The following HSD3B7 variants were observed in gnomAD, a reference collection of about 807,000 sequenced individuals.
HSD3B7 encodes the protein 3 beta-hydroxysteroid dehydrogenase type 7.
A neutral mutation model predicts 34.3 loss-of-function variants in HSD3B7; 35 were observed. That is an observed-to-expected ratio of 1.02 (90% CI 0.78 to 1.35). The LOEUF (loss-of-function observed/expected upper bound fraction) is 1.35. HSD3B7 is among the 40% of genes most tolerant of loss of function. The pLI is 0.00. For synonymous variants in HSD3B7, 217 were observed against 220.1 expected (o/e 0.99, Z 0.13); for missense variants, 426 against 504.7 (o/e 0.84, Z 1.49).
At position 30,987,917 on chromosome 16, in the gene HSD3B7, CG is replaced by C; in HGVS notation, c.846del (p.Leu283TrpfsTer37). 6.2e-7 allele frequency: 1 copy of C among 1,613,734 alleles called. No homozygotes were observed. The highest frequency in any genetic ancestry group is 8.5e-7 in the Non-Finnish European group (1 of 1,180,000). On this transcript the variant is annotated frameshift_variant, in exon 7 of 7. Transcript: ENST00000297679. LOFTEE classifies it high-confidence loss of function. The part of the protein sequence containing the change: ...NMEFLGPCGL[R>X]LVGARPLLPY... ...GGAGTTCCTGGGCCCCTGCGGACTGCGGCTGGTGGGCGCCCGCCCATTGCTG... is the reference window on the plus strand; with the variant it reads ...GGAGTTCCTGGGCCCCTGCGGACTGCGCTGGTGGGCGCCCGCCCATTGCTG...
chr16:30,987,118 T>C, intron 6 of HSD3B7, 116 bp downstream of exon 6: 2 of 1,129,262 alleles, frequency 1.8e-6, no homozygotes, highest in Non-Finnish European at 2.5e-6. Flanking sequence ...TAGAAAAATA[T>C]GGTCTATACA....
At chr16:30,985,617 A>G (rs781565012) in intron 1 of HSD3B7, 36 bp from the exon 2 acceptor site, 1 of 1,572,834 alleles carries the variant, frequency 6.4e-7, no homozygotes, top group Non-Finnish European at 8.6e-7. Flanking sequence ...AGCAGGTGGC[A>G]GCCAGCCCCT....
At chr16:30,986,271 C>T in intron 3 of HSD3B7, 67 bp downstream of exon 3, 7 of 1,580,984 alleles carry the variant, frequency 4.4e-6, no homozygotes, top group African/African-American at 1.3e-5. Context: ...TGGCCTTGAC[C>T]TCCGGTGACT....
rs767747164 is a variant in HSD3B7 at position 30,986,423 on chromosome 16, G to T, written c.323G>T (p.Gly108Val). ...TTGGATACGCCTCCTCCTCTGCCAGGTACCCGGAACGTGATCGAGGCTTGT... is the reference window on the plus strand; with the variant it reads ...TTGGATACGCCTCCTCCTCTGCCAGTTACCCGGAACGTGATCGAGGCTTGT... The part of the protein sequence containing the change: ...PKTIHEVNVQ[G>V]TRNVIEACVQ... Residue 108 changes from glycine to valine, a missense_variant and splice_region_variant, in exon 4 of 7, where the codon GGT becomes GTT. Gly to Val is a moderately radical substitution (Grantham distance 109). Transcript: ENST00000297679. 1.5e-5 allele frequency: 25 copies of T among 1,613,698 alleles called. No individual in the cohort carries two copies. The highest frequency in any genetic ancestry group is 1.6e-5 in the Non-Finnish European group (19 of 1,179,658).
In HSD3B7 at chr16:30,988,206, C is replaced by T. The variant is rs367802544; in HGVS notation, c.*23C>T. The T allele has an allele frequency of 7.0e-6, 11 of 1,571,356 alleles. No homozygotes were observed. The highest frequency in any genetic ancestry group is 2.3e-5 in the East Asian group (1 of 42,964). On this transcript the variant is annotated 3_prime_UTR_variant, in exon 7 of 7. Coordinates refer to ENST00000297679, the MANE Select transcript of HSD3B7 (RefSeq NM_025193.4). ...TGACGGTGGGGCTGGGGCCTGGAGG[C>T]CCAGATACAGCACATCCACCCAGGT...
In HSD3B7 at chr16:30,987,864, C is replaced by T. The variant is rs1352327787; in HGVS notation, c.791C>T (p.Pro264Leu). The T allele has an allele frequency of 6.2e-7, 1 of 1,613,780 alleles. No homozygotes were observed. The highest frequency in any genetic ancestry group is 1.1e-5 in the South Asian group (1 of 91,084). ...GTATACTTCTGCTACGATGGATCAC[C>T]CTACAGGAGCTACGAGGATTTCAAC... ...GQVYFCYDGS[P>L]YRSYEDFNME... The change falls in exon 7 of 7, where the codon CCC becomes CTC. Residue 264 changes from proline to leucine, a missense_variant. Pro to Leu is a moderately conservative substitution (Grantham distance 98, BLOSUM62 -3). Coordinates refer to ENST00000297679, the MANE Select transcript of HSD3B7 (RefSeq NM_025193.4).
chr16:30,985,466 CCT>C (rs890179920), intron 1 of HSD3B7, 169 bp downstream of exon 1: 3 of 1,475,968 alleles, frequency 2.0e-6, no homozygotes, highest in African/African-American at 1.4e-5. Flanking sequence ...CAAGCCCGCC[CCT>C]CTCTCCGTAA....
chr16:30,985,478 ACT>A, intron 1 of HSD3B7, 173 bp from the exon 2 acceptor site: 3 of 1,490,822 alleles, frequency 2.0e-6, no homozygotes, highest in Non-Finnish European at 2.7e-6. Flanking sequence ...TCTCTCCGTA[ACT>A]CAGCCATCAG....
In HSD3B7 at chr16:30,986,176, CA is replaced by C. The variant is rs2056472626; in HGVS notation, c.296del (p.Lys99ArgfsTer14). ...LVDVFGRASP[K>X]TIHEVNVQGT... ...TAGACGTGTTTGGCAGGGCCAGTCC[CA>C]AGACCATCCATGAGGTCAACGTGCA... On this transcript the variant is annotated frameshift_variant, in exon 3 of 7. Transcript: ENST00000297679. LOFTEE classifies it high-confidence loss of function. The C allele has an allele frequency of 1.9e-6, 3 of 1,614,040 alleles. No individual in the cohort carries two copies. The East Asian group carries it at 6.7e-5, about 36-fold the overall frequency.
In HSD3B7 at chr16:30,989,066, C is replaced by G. The variant is rs1404659205; in HGVS notation, c.*883C>G. On this transcript the variant is annotated 3_prime_UTR_variant, in exon 7 of 7. Coordinates refer to ENST00000297679, the MANE Select transcript of HSD3B7 (RefSeq NM_025193.4). ...TCCCACCTCTCTACCTAAGTTCCTTCCCAGCACATCGCCAGCCCTGGGCCT... is the reference window on the plus strand; with the variant it reads ...TCCCACCTCTCTACCTAAGTTCCTTGCCAGCACATCGCCAGCCCTGGGCCT... 6.6e-6 allele frequency: 1 copy of G among 152,328 alleles called. No individual in the cohort carries two copies. Among genetic ancestry groups the G allele is most frequent in the East Asian group, 1.9e-4 (1 of 5,194 alleles). The allele number at this position is 152,328 out of a possible 1,614,324, so 9.4% of individuals were successfully genotyped here.
At chr16:30,987,663 C>T (rs1344219942) in intron 6 of HSD3B7, 105 bp from the exon 7 acceptor site, 20 of 1,311,310 alleles carry the variant, frequency 1.5e-5, no homozygotes, top group South Asian at 5.9e-5. Flanking sequence ...GGGATGTGGG[C>T]GGCAACTACC....
intron 2 of HSD3B7, 46 bp from the exon 3 acceptor site, chr16:30,986,003 T>C: frequency 1.2e-6 from 2 of 1,605,204 alleles, no homozygotes; most frequent in Non-Finnish European, 1.7e-6. Flanking sequence ...GCCTCTGGCC[T>C]CTGGCCCCAG....
In HSD3B7 at chr16:30,985,705, G is replaced by C. The variant is rs1216474915; in HGVS notation, c.47G>C (p.Gly16Ala). The change falls in exon 2 of 7, where the codon GGG (glycine) becomes GCG (alanine). Residue 16 changes from glycine (G) to alanine (A), a missense_variant. By Grantham distance (60) the Gly-to-Ala change is moderately conservative. Transcript: ENST00000297679. ...QAQKLVYLVT[G>A]GCGFLGEHVV... ...CAGAAGCTGGTGTACCTGGTCACAG[G>C]GGGCTGTGGCTTCCTGGGAGAGCAC... 6.2e-7 allele frequency: 1 copy of C among 1,608,832 alleles called. No individual in the cohort carries two copies. The highest frequency in any genetic ancestry group is 2.2e-5 in the East Asian group (1 of 44,884).
At chr16:30,987,506 T>C (rs1276221921) in intron 6 of HSD3B7, 7 of 572,208 alleles carry the variant, frequency 1.2e-5, no homozygotes, top group Non-Finnish European at 2.2e-5. Context: ...TGCCACTCCA[T>C]CCTGCAGTCC....
chr16:30,987,027 A>T lies in HSD3B7; in HGVS notation c.694+25A>T, dbSNP rs769463326. ...GGTGAGGACTGGGCTAGGCAGGGGG[A>T]GGCTGAGAATATGGCAGGAGGACTT... On this transcript the variant is annotated intron_variant, in intron 6 of 6. Transcript: ENST00000297679. 3.8e-6 allele frequency: 6 copies of T among 1,596,978 alleles called. No individual in the cohort carries two copies. In the Admixed American group the frequency reaches 1.0e-4, roughly 27 times the overall value.
At position 30,985,218 on chromosome 16, in the gene HSD3B7, G is replaced by C. The variant is rs375767470; in HGVS notation, c.-86G>C. The C allele has an allele frequency of 3.7e-6, 4 of 1,082,592 alleles. No homozygotes were observed. The highest frequency in any genetic ancestry group is 4.5e-6 in the Non-Finnish European group (4 of 886,094). The allele number at this position is 1,082,592 out of a possible 1,614,324, so 67.1% of individuals were successfully genotyped here. A position where few individuals can be genotyped will look rare whatever the true frequency, so the allele number is the denominator to read the frequency against. Reference sequence around the variant, plus strand: ...GAGAAGGAGGAGCCAGCGGAAGGACGGTGTGCGGGCCGGCCAGCCCTGGAC... The same window carrying C: ...GAGAAGGAGGAGCCAGCGGAAGGACCGTGTGCGGGCCGGCCAGCCCTGGAC... On this transcript the variant is annotated 5_prime_UTR_variant, in exon 1 of 7. Coordinates refer to ENST00000297679, the MANE Select transcript of HSD3B7 (RefSeq NM_025193.4).
At chr16:30,985,501 C>T (rs1376434484) in intron 1 of HSD3B7, 152 bp from the exon 2 acceptor site, 7 of 1,507,190 alleles carry the variant, frequency 4.6e-6, no homozygotes, top group Admixed American at 2.0e-5. Context: ...CAGGGGCAGA[C>T]GGCAGGTGGC....
chr16:30,985,682 G>T lies in HSD3B7; in HGVS notation c.24G>T (p.Gln8His). ...GCATGGCCGACTCTGCACAGGCCCA[G>T]AAGCTGGTGTACCTGGTCACAGGGG... MADSAQA[Q>H]KLVYLVTGGC... The change falls in exon 2 of 7, where the codon CAG (glutamine) becomes CAT (histidine). Residue 8 changes from glutamine (Q) to histidine (H), a missense_variant. Transcript: ENST00000297679. 6.2e-7 allele frequency: 1 copy of T among 1,607,786 alleles called. No individual in the cohort carries two copies.
At position 30,986,671 on chromosome 16, in the gene HSD3B7, C is replaced by T. The variant is rs750739758; in HGVS notation, c.498C>T (p.Ala166=). 2.1e-5 allele frequency: 34 copies of T among 1,614,034 alleles called. No individual in the cohort carries two copies. The highest frequency in any genetic ancestry group is 9.9e-5 in the South Asian group (9 of 91,090). ...CCTATCCTTGCAGCAAGGCCCTGGC[C>T]GAGTGGCTGGTCCTGGAGGCCAACG... The part of the protein sequence containing the change: ...RHPYPCSKAL[A]EWLVLEANGR... The change falls in exon 5 of 7, where the codon GCC becomes GCT. Residue 166 remains alanine, a synonymous_variant. Transcript: ENST00000297679.
Sources: allele counts gnomAD v4.1 joint callset, GRCh38; gene constraint gnomAD v4.1.1; transcripts MANE v1.5; gene names NCBI Gene and HGNC (gene_info 2026-07-23, HGNC 2026-07-21).